The following GRM7 variants were observed in gnomAD, a reference collection of about 807,000 sequenced individuals.
GRM7 encodes glutamate metabotropic receptor 7, also known as metabotropic glutamate receptor 7.
Under a neutral mutation model 84.5 loss-of-function variants are expected in GRM7, and 35 were observed. That is an observed-to-expected ratio of 0.41 (90% CI 0.32 to 0.55). GRM7 has a LOEUF of 0.55. GRM7 is among the 20% of genes least tolerant of loss of function. The probability of loss-of-function intolerance (pLI) is 0.19; values close to 1 mark genes in which losing one functional copy is unlikely to be tolerated. For synonymous variants in GRM7, 487 were observed against 455.1 expected, an observed-to-expected ratio of 1.07 and a Z score of -0.89; for missense variants, 1,003 against 1,194.6, an observed-to-expected ratio of 0.84 and a Z score of 2.36.
intron 5 of GRM7, among the ~76,000 whole-genome samples, chr3:7,433,041 A>G (rs1559317986): frequency 6.6e-6 from 1 of 152,200 alleles, no homozygotes; most frequent in Non-Finnish European, 1.5e-5. Flanking sequence ...AACCAGAATT[A>G]AAAAATAAAG....
chr3:7,022,594 AG>A (rs1165424194), intron 1 of GRM7, among the ~76,000 whole-genome samples: 1 of 152,162 alleles, frequency 6.6e-6, no homozygotes, highest in Non-Finnish European at 1.5e-5. Flanking sequence ...AAAATGTTTA[AG>A]TATATATATT....
chr3:7,365,666 C>T (rs111457135), intron 4 of GRM7, among the ~76,000 whole-genome samples: 63,005 of 127,346 alleles, frequency 0.49, 13,996 homozygotes, highest in East Asian at 0.57. Flanking sequence ...TATATATATA[C>T]ACACACGCAC....
chr3:7,529,168 G>A (rs1015936283), intron 7 of GRM7, among the ~76,000 whole-genome samples: 7 of 152,024 alleles, frequency 4.6e-5, no homozygotes, highest in African/African-American at 1.4e-4. Context: ...GGTAAAGTTC[G>A]AGAGCCTTTT....
At chr3:6,950,880 G>A (rs960980658) in intron 1 of GRM7, among the ~76,000 whole-genome samples, 2 of 152,244 alleles carry the variant, frequency 1.3e-5, no homozygotes, top group African/African-American at 4.8e-5. Context: ...ATCTCCCAGT[G>A]TGCCGTTTGA....
chr3:7,196,364 G>T (rs976894642), intron 2 of GRM7, among the ~76,000 whole-genome samples: 5 of 151,984 alleles, frequency 3.3e-5, no homozygotes, highest in Non-Finnish European at 7.4e-5. Context: ...GTAATATTTG[G>T]CCACTCATCT....
chr3:7,196,687 G>T (rs1024366520), intron 2 of GRM7, among the ~76,000 whole-genome samples: 1 of 151,922 alleles, frequency 6.6e-6, no homozygotes, highest in Non-Finnish European at 1.5e-5. Flanking sequence ...GTCTTATCAG[G>T]CCCCCTTAGC....
intron 7 of GRM7, among the ~76,000 whole-genome samples, chr3:7,549,986 T>C (rs1274637435): frequency 6.6e-6 from 1 of 152,184 alleles, no homozygotes; most frequent in Non-Finnish European, 1.5e-5. Context: ...TATATATCCT[T>C]CCAGTTTCTT....
intron 7 of GRM7, chr3:7,559,373 A>G (rs1175954048): frequency 6.6e-6 from 1 of 152,100 alleles, no homozygotes; most frequent in East Asian, 1.9e-4. Context: ...TTACAAGCAC[A>G]TTATCTACTA....
intron 4 of GRM7, among the ~76,000 whole-genome samples, chr3:7,369,200 G>A (rs568165183): frequency 6.6e-6 from 1 of 152,192 alleles, no homozygotes; most frequent in South Asian, 2.1e-4. Flanking sequence ...AACTACAGGT[G>A]CATGCTACTA....
At chr3:7,622,656 G>A (rs576242826) in intron 8 of GRM7, among the ~76,000 whole-genome samples, 1 of 152,206 alleles carries the variant, frequency 6.6e-6, no homozygotes, top group South Asian at 2.1e-4. Context: ...CTAGGGTTCA[G>A]TAAGGGAGGC....
chr3:7,304,554 C>T (rs569949510), intron 3 of GRM7, among the ~76,000 whole-genome samples: 13 of 151,740 alleles, frequency 8.6e-5, no homozygotes, highest in Non-Finnish European at 1.6e-4. Flanking sequence ...TCTATTTTCT[C>T]TGTACGTTCT....
At chr3:6,876,147 G>T (rs537535335) in intron 1 of GRM7, among the ~76,000 whole-genome samples, 1 of 151,734 alleles carries the variant, frequency 6.6e-6, no homozygotes, top group South Asian at 2.1e-4. Context: ...GGGTACCTGC[G>T]ATCCCAGTTA....
chr3:7,619,033 C>T (rs1697242882), intron 8 of GRM7, among the ~76,000 whole-genome samples: 1 of 152,068 alleles, frequency 6.6e-6, no homozygotes, highest in Admixed American at 6.6e-5. Context: ...TTCCTTTGAC[C>T]ATCATGCTAG....
At chr3:6,961,717 C>T (rs1045564303) in intron 1 of GRM7, among the ~76,000 whole-genome samples, 4 of 152,142 alleles carry the variant, frequency 2.6e-5, no homozygotes, top group African/African-American at 9.7e-5. Context: ...GCTGCATTTT[C>T]CCATGGATAA....
At chr3:7,326,367 T>A (rs1239773285) in intron 4 of GRM7, among the ~76,000 whole-genome samples, 3 of 152,224 alleles carry the variant, frequency 2.0e-5, no homozygotes, top group East Asian at 3.9e-4. Context: ...TCTTTTAAAC[T>A]GCAGATGGTG....
chr3:7,082,371 G>A (rs1698302934), intron 1 of GRM7, among the ~76,000 whole-genome samples: 1 of 152,006 alleles, frequency 6.6e-6, no homozygotes, highest in African/African-American at 2.4e-5. Context: ...GTTGTTTACG[G>A]CATTTTAAGT....
chr3:7,219,914 C>T (rs1040145021), intron 2 of GRM7, among the ~76,000 whole-genome samples: 2 of 152,030 alleles, frequency 1.3e-5, no homozygotes, highest in African/African-American at 4.8e-5. Context: ...AATAAAAACC[C>T]ATGATGGTAA....
chr3:7,687,392 C>T (rs1203215987), intron 9 of GRM7, among the ~76,000 whole-genome samples: 1 of 152,166 alleles, frequency 6.6e-6, no homozygotes, highest in African/African-American at 2.4e-5. Context: ...AGCAATATTA[C>T]ACGACAGTGG....
At chr3:7,431,971 G>C (rs1696849000) in intron 5 of GRM7, among the ~76,000 whole-genome samples, 1 of 152,128 alleles carries the variant, frequency 6.6e-6, no homozygotes. Flanking sequence ...GGGCCATAAA[G>C]TTAGGTTAGG....
Sources: allele counts gnomAD v4.1 joint callset (sites outside exome capture counted in the v4.1 genomes callset), GRCh38; gene constraint gnomAD v4.1.1; transcripts MANE v1.5; gene names NCBI Gene and HGNC (gene_info 2026-07-23, HGNC 2026-07-21).